DIAPH2: variants seen among roughly 807,000 people sequenced by gnomAD.
DIAPH2 encodes the protein diaphanous related formin 2.
Under a neutral mutation model 92.7 loss-of-function variants are expected in DIAPH2, and 35 were observed. The observed-to-expected ratio is 0.38, with a 90% CI of 0.29 to 0.50. The LOEUF is 0.50. Among genes scored for constraint, DIAPH2 ranks in the 20% least tolerant of loss-of-function variants. DIAPH2 has a pLI of 0.94. For missense variants in DIAPH2, 701 were observed against 819.5 expected (o/e 0.86, Z 1.77); for synonymous variants, 301 against 280.4 (o/e 1.07, Z -0.73).
intron 22 of DIAPH2, among the ~76,000 whole-genome samples, chrX:97,173,762 G>A (rs946184636): frequency 3.6e-5 from 4 of 110,044 alleles, no homozygotes; most frequent in African/African-American, 9.9e-5. Flanking sequence ...ACAAAAATTA[G>A]CTGAGTGTGG....
chrX:97,600,834 A>C lies in DIAPH2; in HGVS notation c.*1517A>C, dbSNP rs1411287577. 1.8e-5 allele frequency: 2 copies of C among 112,215 alleles called. No individual in the cohort carries two copies. Among genetic ancestry groups the C allele is most frequent in the East Asian group, 2.8e-4 (1 of 3,607 alleles). 9.2% of individuals were successfully genotyped at this position (112,215 alleles called of 1,213,427 possible). A position where few individuals can be genotyped will look rare whatever the true frequency, so the allele number is the denominator to read the frequency against. The stretch of plus-strand genomic sequence containing the variant: ...CTTGGCAAATCCCCATCTGAGATAA[A>C]GTAAACAAGTGACCAGCAGCCCACA... On this transcript the variant is annotated 3_prime_UTR_variant, in exon 27 of 27. Coordinates refer to ENST00000324765, the MANE Select transcript of DIAPH2 (RefSeq NM_006729.5).
chrX:97,046,373 G>A (rs2066484585), intron 17 of DIAPH2, among the ~76,000 whole-genome samples: 1 of 110,954 alleles, frequency 9.0e-6, no homozygotes, highest in South Asian at 3.9e-4. Flanking sequence ...GATGAAGATG[G>A]TGTAAATGCA....
chrX:96,781,340 G>A (rs1435294668), intron 4 of DIAPH2, among the ~76,000 whole-genome samples: 5 of 111,353 alleles, frequency 4.5e-5, no homozygotes, highest in African/African-American at 1.6e-4. Context: ...GTTAGAGTTT[G>A]TATTGTCAAT....
chrX:97,119,483 G>C (rs778524227), intron 21 of DIAPH2, among the ~76,000 whole-genome samples: 5 of 111,834 alleles, frequency 4.5e-5, no homozygotes, highest in Admixed American at 1.9e-4. Context: ...ACTCTGTAAG[G>C]GTTCTTAGCT....
intron 17 of DIAPH2, among the ~76,000 whole-genome samples, chrX:96,982,304 T>C (rs1487068438): frequency 8.9e-6 from 1 of 112,072 alleles, no homozygotes; most frequent in Admixed American, 9.5e-5. Context: ...TGTAGGAGTC[T>C]AAGCAAAATA....
At chrX:96,743,660 G>A (rs777300978) in intron 3 of DIAPH2, among the ~76,000 whole-genome samples, 7 of 111,891 alleles carry the variant, frequency 6.3e-5, no homozygotes, top group Non-Finnish European at 1.1e-4. Context: ...GAAGTCGAGA[G>A]TAGAATGGTG....
At chrX:97,135,998 C>T (rs2067168092) in intron 21 of DIAPH2, among the ~76,000 whole-genome samples, 1 of 111,777 alleles carries the variant, frequency 8.9e-6, no homozygotes, top group South Asian at 3.8e-4. Flanking sequence ...TAGAAATCTT[C>T]ACCCATTTGT....
chrX:96,844,597 T>C, intron 4 of DIAPH2, among the ~76,000 whole-genome samples: 1 of 112,557 alleles, frequency 8.9e-6, no homozygotes, highest in East Asian at 2.8e-4. Flanking sequence ...CTTTCATTGA[T>C]TTATACACAG....
intron 4 of DIAPH2, among the ~76,000 whole-genome samples, chrX:96,823,259 A>G (rs926257043): frequency 9.9e-5 from 11 of 111,575 alleles, no homozygotes; most frequent in Non-Finnish European, 1.7e-4. Context: ...GTCCTAATGA[A>G]GCAGATGTAT....
At chrX:97,065,607 C>A (rs1384301089) in intron 17 of DIAPH2, among the ~76,000 whole-genome samples, 1 of 110,972 alleles carries the variant, frequency 9.0e-6, no homozygotes, top group Non-Finnish European at 1.9e-5. Context: ...TAATAATAAA[C>A]AACCATGTTA....
intron 24 of DIAPH2, 107 bp from the exon 25 acceptor site, chrX:97,383,802 C>T: frequency 2.8e-6 from 2 of 713,076 alleles, no homozygotes; most frequent in Non-Finnish European, 3.9e-6. Context: ...TTTTGTTTAA[C>T]TTTGTTTATA....
At chrX:96,851,536 A>G (rs907356472) in intron 4 of DIAPH2, among the ~76,000 whole-genome samples, 6 of 112,315 alleles carry the variant, frequency 5.3e-5, no homozygotes, top group African/African-American at 1.6e-4. Context: ...ATCTTCTTGT[A>G]TACTTTGAAT....
intron 23 of DIAPH2, among the ~76,000 whole-genome samples, chrX:97,286,380 C>T (rs1326355651): frequency 2.7e-5 from 3 of 111,066 alleles, no homozygotes; most frequent in African/African-American, 9.8e-5. Flanking sequence ...TACCCTCTAG[C>T]ATGCTAGCAA....
intron 12 of DIAPH2, among the ~76,000 whole-genome samples, chrX:96,940,984 A>G (rs141986974): frequency 1.8e-5 from 2 of 111,469 alleles, no homozygotes; most frequent in African/African-American, 6.5e-5. Context: ...TGTTTTCCTT[A>G]TTTAACCATT....
intron 4 of DIAPH2, among the ~76,000 whole-genome samples, chrX:96,792,506 A>G (rs1184630802): frequency 9.0e-6 from 1 of 111,712 alleles, no homozygotes; most frequent in Non-Finnish European, 1.9e-5. Context: ...TTATGGGAGT[A>G]TTTTTCAGGA....
intron 19 of DIAPH2, among the ~76,000 whole-genome samples, chrX:97,089,935 C>T (rs772459608): frequency 1.2e-4 from 13 of 110,855 alleles, no homozygotes; most frequent in Admixed American, 6.7e-4. Flanking sequence ...TCACCGTGTT[C>T]GGCAAGATGG....
At chrX:97,276,070 C>G (rs897310202) in intron 23 of DIAPH2, among the ~76,000 whole-genome samples, 1 of 112,758 alleles carries the variant, frequency 8.9e-6, no homozygotes, top group Non-Finnish European at 1.9e-5. Flanking sequence ...CGGTTAAGAG[C>G]TGGAGACCAG....
intron 26 of DIAPH2, among the ~76,000 whole-genome samples, chrX:97,523,866 G>C (rs2071006972): frequency 9.0e-6 from 1 of 111,157 alleles, no homozygotes; most frequent in Admixed American, 9.6e-5. Flanking sequence ...TTTCCCTGCT[G>C]TGTTTTATAA....
chrX:97,320,870 A>G (rs2068887992), intron 23 of DIAPH2, among the ~76,000 whole-genome samples: 1 of 111,854 alleles, frequency 8.9e-6, no homozygotes, highest in South Asian at 3.7e-4. Context: ...AATATATAAC[A>G]TATTCAGCAT....
Sources: gnomAD v4.1 joint callset for allele counts (sites outside exome capture counted in the v4.1 genomes callset) on GRCh38, gnomAD v4.1.1 for gene constraint, MANE v1.5 for transcripts, NCBI Gene and HGNC (gene_info 2026-07-23, HGNC 2026-07-21) for gene names.